The following CIB4 variants were observed in gnomAD, a reference collection of about 807,000 sequenced individuals.
CIB4 encodes the protein calcium and integrin-binding family member 4.
CIB4 carries 25 observed loss-of-function variants against 25.8 expected under a neutral mutation model. That is an observed-to-expected ratio of 0.97 (90% CI 0.71 to 1.35). The LOEUF is 1.35. Ranked by LOEUF, CIB4 falls within the 40% of genes most tolerant of loss-of-function variation. The pLI is 0.00. For synonymous variants in CIB4, 75 were observed against 81.4 expected, an observed-to-expected ratio of 0.92 and a Z score of 0.42; for missense variants, 235 against 228.2, an observed-to-expected ratio of 1.03 and a Z score of -0.19.
intron 3 of CIB4, among the ~76,000 whole-genome samples, chr2:26,606,613 G>T (rs1668895137): frequency 6.6e-6 from 1 of 152,138 alleles, no homozygotes; most frequent in Admixed American, 6.5e-5. Context: ...TAGCTGGTTG[G>T]TATGACCCTC....
At chr2:26,582,966 G>C in intron 5 of CIB4, 53 bp from the exon 6 acceptor site, 1 of 1,258,968 alleles carries the variant, frequency 7.9e-7, no homozygotes, top group Non-Finnish European at 1.2e-6. Flanking sequence ...CAGGCAGTGA[G>C]GTGGGGCACA....
intron 3 of CIB4, among the ~76,000 whole-genome samples, chr2:26,616,591 C>T (rs1669096856): frequency 6.6e-6 from 1 of 152,152 alleles, no homozygotes. Flanking sequence ...TGAAGGGGCC[C>T]TGCTGTCAGG....
At chr2:26,588,068 G>T (rs1356596110) in intron 4 of CIB4, among the ~76,000 whole-genome samples, 1 of 152,208 alleles carries the variant, frequency 6.6e-6, no homozygotes, top group African/African-American at 2.4e-5. Context: ...CACAGGCTCT[G>T]CTACCACCTC....
chr2:26,622,315 C>T lies in CIB4; in HGVS notation c.186+7095G>A, dbSNP rs189392478. 1.6e-4 allele frequency among the ~76,000 whole-genome samples: 25 copies of T among 152,020 alleles called. No individual in the cohort carries two copies. The East Asian group carries it at 4.3e-3, about 26-fold the overall frequency. ...GACAGAGGTTGCAGTGAGCCGAGAT[C>T]GCATCACTGTACTCCAGCCTGGGCG... is the stretch of plus-strand genomic sequence containing the variant. On this transcript the variant is annotated intron_variant, in intron 3 of 6. Transcript: ENST00000288861.
At chr2:26,609,468 T>C (rs1383829221) in intron 3 of CIB4, among the ~76,000 whole-genome samples, 1 of 152,176 alleles carries the variant, frequency 6.6e-6, no homozygotes, top group Non-Finnish European at 1.5e-5. Flanking sequence ...CAGATGTCAG[T>C]GAAGAGGCCG....
Position 26,629,313 on chromosome 2 carries a change from C to G in CIB4, c.186+97G>C, listed in dbSNP as rs180901770. 1.3e-4 allele frequency: 96 copies of G among 763,574 alleles called. 1 individual carries two copies. Among genetic ancestry groups the G allele is most frequent in the Admixed American group, 8.8e-4 (43 of 49,106 alleles). 47.3% of individuals were successfully genotyped at this position (763,574 alleles called of 1,614,324 possible). On this transcript the variant is annotated intron_variant, in intron 3 of 6. Coordinates refer to ENST00000288861, the MANE Select transcript of CIB4 (RefSeq NM_001029881.3). ...GGAGTGAGGTGACCATCCCACAGCA[C>G]GGAGTGCCCACCTCACCCCACCCCT...
intron 5 of CIB4, 131 bp from the exon 6 acceptor site, chr2:26,583,044 T>A: frequency 1.7e-6 from 1 of 603,256 alleles, no homozygotes; most frequent in Non-Finnish European, 3.0e-6. Context: ...CTGGGTCCCC[T>A]GACCCCAGTG....
At chr2:26,598,358 G>C (rs1036850944) in intron 3 of CIB4, among the ~76,000 whole-genome samples, 2 of 151,918 alleles carry the variant, frequency 1.3e-5, no homozygotes, top group African/African-American at 4.8e-5. Flanking sequence ...ATGGCTCATG[G>C]CCCAGGAGAA....
At chr2:26,636,522 G>A (rs1041379675) in intron 2 of CIB4, among the ~76,000 whole-genome samples, 27 of 152,170 alleles carry the variant, frequency 1.8e-4, no homozygotes, top group Non-Finnish European at 2.9e-5. Flanking sequence ...CAGGCCGACT[G>A]TCCTGCTGTC....
intron 4 of CIB4, among the ~76,000 whole-genome samples, chr2:26,584,268 A>C (rs1365147030): frequency 6.6e-6 from 1 of 152,168 alleles, no homozygotes; most frequent in Non-Finnish European, 1.5e-5. Flanking sequence ...AAACCCAGCC[A>C]GGCTGACCTC....
At chr2:26,620,586 T>C (rs2148217358) in intron 3 of CIB4, among the ~76,000 whole-genome samples, 1 of 152,302 alleles carries the variant, frequency 6.6e-6, no homozygotes, top group Non-Finnish European at 1.5e-5. Context: ...TCTAGGATGC[T>C]AGCAGGCAGA....
Position 26,611,561 on chromosome 2 carries a change from A to T in CIB4, c.187-16244T>A, listed in dbSNP as rs563141661. 3.9e-5 allele frequency among the ~76,000 whole-genome samples: 6 copies of T among 152,338 alleles called. No individual in the cohort carries two copies. In the East Asian group the frequency reaches 1.2e-3, roughly 29 times the overall value. ...CATACTCAGTATAATTATCATTTTA[A>T]TGATTGCGTAGTTCAAATTCTTGGA... On this transcript the variant is annotated intron_variant, in intron 3 of 6. Transcript: ENST00000288861.
At chr2:26,606,824 G>A (rs1668899078) in intron 3 of CIB4, among the ~76,000 whole-genome samples, 1 of 152,210 alleles carries the variant, frequency 6.6e-6, no homozygotes, top group South Asian at 2.1e-4. Flanking sequence ...AAAACAGAGA[G>A]GCTCAAATGG....
chr2:26,617,828 C>T (rs1669124887), intron 3 of CIB4, among the ~76,000 whole-genome samples: 1 of 152,198 alleles, frequency 6.6e-6, no homozygotes, highest in Non-Finnish European at 1.5e-5. Flanking sequence ...GAGTTCGTGA[C>T]AGCCAGGAGG....
At position 26,586,221 on chromosome 2, in the gene CIB4, G is replaced by A. The variant is rs1668450014; in HGVS notation, c.329-2323C>T. On this transcript the variant is annotated intron_variant, in intron 4 of 6. Transcript: ENST00000288861. ...TCTTCTTGCAGCCCTGTGTCACCCA[G>A]AGCGGAGCCCAAGTCCTAATCCCCA... Among the ~76,000 whole-genome samples the A allele has an allele frequency of 2.0e-5, 3 of 152,216 alleles. No homozygotes were observed. The South Asian group carries it at 6.2e-4, about 32-fold the overall frequency.
chr2:26,626,985 G>A (rs1304758622), intron 3 of CIB4, among the ~76,000 whole-genome samples: 1 of 152,188 alleles, frequency 6.6e-6, no homozygotes, highest in African/African-American at 2.4e-5. Context: ...GGATATACAT[G>A]CAAGGAGTGT....
chr2:26,625,010 C>T (rs887784138), intron 3 of CIB4, among the ~76,000 whole-genome samples: 1 of 152,108 alleles, frequency 6.6e-6, no homozygotes, highest in Admixed American at 6.6e-5. Flanking sequence ...CACAACATCT[C>T]ATGTACCCCA....
At chr2:26,588,535 T>C (rs113274564) in intron 4 of CIB4, among the ~76,000 whole-genome samples, 21 of 152,346 alleles carry the variant, frequency 1.4e-4, no homozygotes, top group African/African-American at 4.8e-4. Flanking sequence ...CCCCAAAGAC[T>C]CTGACCATTG....
At chr2:26,585,950 C>G (rs911475259) in intron 4 of CIB4, among the ~76,000 whole-genome samples, 1 of 152,116 alleles carries the variant, frequency 6.6e-6, no homozygotes. Context: ...CTTCCAGCCA[C>G]TCAGGCCAAC....
Sources: gnomAD v4.1 joint callset for allele counts (sites outside exome capture counted in the v4.1 genomes callset) on GRCh38, gnomAD v4.1.1 for gene constraint, MANE v1.5 for transcripts, NCBI Gene and HGNC (gene_info 2026-07-23, HGNC 2026-07-21) for gene names.